The following CUL5 variants were observed in gnomAD, a reference collection of about 807,000 sequenced individuals.
The protein encoded by CUL5 is cullin-5.
A neutral mutation model predicts 108.8 loss-of-function variants in CUL5; 26 were observed. The ratio of observed to expected loss-of-function variants is 0.24; its 90% CI spans 0.18 to 0.33. The LOEUF (loss-of-function observed/expected upper bound fraction) is 0.33. Among genes scored for constraint, CUL5 ranks in the 10% least tolerant of loss-of-function variants. The probability of loss-of-function intolerance (pLI) is 1.00; values close to 1 mark genes in which losing one functional copy is unlikely to be tolerated. For missense variants in CUL5, 524 were observed against 909.2 expected, an observed-to-expected ratio of 0.58 and a Z score of 5.45; for synonymous variants, 334 against 298.0, an observed-to-expected ratio of 1.12 and a Z score of -1.25.
At chr11:108,040,641 C>T (rs1476496701) in intron 2 of CUL5, among the ~76,000 whole-genome samples, 3 of 143,628 alleles carry the variant, frequency 2.1e-5, no homozygotes, top group East Asian at 2.0e-4. Context: ...AAAAATTAGC[C>T]AGTCGTGGTG....
At position 108,051,802 on chromosome 11, in the gene CUL5, A is replaced by G. The variant is rs184003870; in HGVS notation, c.412-858A>G. On this transcript the variant is annotated intron_variant, in intron 4 of 18. Transcript: ENST00000393094. ...ACACCAATATATCTGAAATTCAACCATGGAACTATAGGAGAATAAACATTT... is the reference window on the plus strand; with the variant it reads ...ACACCAATATATCTGAAATTCAACCGTGGAACTATAGGAGAATAAACATTT... 2.3e-3 allele frequency among the ~76,000 whole-genome samples: 344 copies of G among 152,354 alleles called. 1 individual carries two copies. Among genetic ancestry groups the G allele is most frequent in the African/African-American group, 7.6e-3 (318 of 41,588 alleles).
rs1864827364 is a variant in CUL5 at position 108,107,347 on chromosome 11, A to G, written c.*2963A>G. On this transcript the variant is annotated 3_prime_UTR_variant, in exon 19 of 19. Transcript: ENST00000393094. ...TAGCACTGCTCAAAGGGCAAATTTT[A>G]AAACTTCAGTCTGGGTGAAAGATTT... 1 of 152,664 alleles carries G rather than the reference A, an allele frequency of 6.6e-6. No individual in the cohort carries two copies. The highest frequency in any genetic ancestry group is 2.1e-4 in the South Asian group (1 of 4,834). The allele number at this position is 152,664 out of a possible 1,614,324, so 9.5% of individuals were successfully genotyped here.
intron 18 of CUL5, 36 bp from the exon 19 acceptor site, chr11:108,104,154 A>G (rs745576081): frequency 4.4e-6 from 6 of 1,364,170 alleles, no homozygotes; most frequent in Admixed American, 4.7e-5. Flanking sequence ...ATAATTTCGT[A>G]TATTAATGCG....
intron 1 of CUL5, among the ~76,000 whole-genome samples, chr11:108,031,608 G>T (rs1862585716): frequency 6.6e-6 from 1 of 152,076 alleles, no homozygotes; most frequent in African/African-American, 2.4e-5. Flanking sequence ...GTAGGTGTGT[G>T]GTCTTATTTC....
chr11:108,033,986 T>C, intron 2 of CUL5, 75 bp downstream of exon 2: 1 of 863,098 alleles, frequency 1.2e-6, no homozygotes, highest in Non-Finnish European at 1.9e-6. Context: ...AAATGGAATG[T>C]GTAACTCTAA....
In CUL5 at chr11:108,009,203, T is replaced by C. The variant is rs975288010; in HGVS notation, c.-146T>C. The C allele has an allele frequency of 1.6e-5, 12 of 763,848 alleles. No homozygotes were observed. The highest frequency in any genetic ancestry group is 2.6e-5 in the Non-Finnish European group (12 of 456,512). The allele number at this position is 763,848 out of a possible 1,614,324, so 47.3% of individuals were successfully genotyped here. ...CTGGTGCTTGGGACGAGGTCAGCGCTGTCGGCGCGCTGCTCCAGCGCCCAC... is the reference window on the plus strand; with the variant it reads ...CTGGTGCTTGGGACGAGGTCAGCGCCGTCGGCGCGCTGCTCCAGCGCCCAC... On this transcript the variant is annotated 5_prime_UTR_variant, in exon 1 of 19. Transcript: ENST00000393094.
chr11:108,027,077 A>T (rs978634728), intron 1 of CUL5, among the ~76,000 whole-genome samples: 3 of 151,814 alleles, frequency 2.0e-5, no homozygotes, highest in African/African-American at 7.3e-5. Flanking sequence ...ATACAGGAAA[A>T]ATTGTGAAGG....
intron 11 of CUL5, among the ~76,000 whole-genome samples, chr11:108,086,649 T>C (rs1204970907): frequency 6.6e-6 from 1 of 152,180 alleles, no homozygotes. Flanking sequence ...TTTCTAAATT[T>C]TCAACTTCCA....
At chr11:108,097,828 G>T in intron 17 of CUL5, 74 bp downstream of exon 17, 8 of 777,152 alleles carry the variant, frequency 1.0e-5, no homozygotes, top group East Asian at 5.0e-5. Context: ...CAAAATAATT[G>T]TTTTCCTTAC....
intron 18 of CUL5, among the ~76,000 whole-genome samples, chr11:108,103,667 G>GT (rs1391836953): frequency 6.6e-6 from 1 of 152,090 alleles, no homozygotes; most frequent in Non-Finnish European, 1.5e-5. Context: ...GTTTTCACAG[G>GT]TAAGATAACT....
chr11:108,024,963 A>G (rs1041741521), intron 1 of CUL5, among the ~76,000 whole-genome samples: 5 of 152,166 alleles, frequency 3.3e-5, no homozygotes, highest in African/African-American at 9.7e-5. Flanking sequence ...CACCTCCACT[A>G]CTAAAGCCTT....
At chr11:108,078,272 C>T in intron 11 of CUL5, 32 bp downstream of exon 11, 1 of 1,293,930 alleles carries the variant, frequency 7.7e-7, no homozygotes, top group South Asian at 1.4e-5. Flanking sequence ...TTTAAAAATA[C>T]TTAAATTTTC....
chr11:108,060,027 A>G (rs1260059962), intron 7 of CUL5, among the ~76,000 whole-genome samples: 2 of 152,224 alleles, frequency 1.3e-5, no homozygotes, highest in Non-Finnish European at 2.9e-5. Context: ...ACTAATTCTA[A>G]GACAAGTAAA....
At chr11:108,035,574 TAAAA>T (rs35833167) in intron 2 of CUL5, among the ~76,000 whole-genome samples, 1 of 141,570 alleles carries the variant, frequency 7.1e-6, no homozygotes, top group African/African-American at 2.6e-5. Flanking sequence ...CCCTGTCTCT[TAAAA>T]AAAAAAAAAA....
At chr11:108,062,384 C>G (rs1163479492) in intron 7 of CUL5, among the ~76,000 whole-genome samples, 1 of 152,052 alleles carries the variant, frequency 6.6e-6, no homozygotes, top group Non-Finnish European at 1.5e-5. Flanking sequence ...GTCCCATCAA[C>G]AGTGTGCTTG....
intron 10 of CUL5, among the ~76,000 whole-genome samples, chr11:108,074,621 A>G (rs1445793331): frequency 2.6e-5 from 4 of 151,986 alleles, no homozygotes; most frequent in African/African-American, 9.7e-5. Context: ...CCTGATCAAC[A>G]TGGAGAAACC....
At chr11:108,079,760 C>T (rs1046577886) in intron 11 of CUL5, among the ~76,000 whole-genome samples, 4 of 152,140 alleles carry the variant, frequency 2.6e-5, no homozygotes, top group African/African-American at 9.7e-5. Context: ...CCACCTCCTT[C>T]CAGAGGCATC....
chr11:108,096,870 T>C (rs1864516329), intron 16 of CUL5, among the ~76,000 whole-genome samples: 1 of 151,930 alleles, frequency 6.6e-6, no homozygotes, highest in African/African-American at 2.4e-5. Context: ...CTCAGATACA[T>C]ACTTAATTTT....
chr11:108,086,934 A>G (rs1388777308), intron 11 of CUL5, among the ~76,000 whole-genome samples: 1 of 152,172 alleles, frequency 6.6e-6, no homozygotes, highest in African/African-American at 2.4e-5. Context: ...TTTCAGCACA[A>G]TTGATGTTAG....
Sources: gnomAD v4.1 joint callset for allele counts (sites outside exome capture counted in the v4.1 genomes callset) on GRCh38, gnomAD v4.1.1 for gene constraint, MANE v1.5 for transcripts, NCBI Gene and HGNC (gene_info 2026-07-23, HGNC 2026-07-21) for gene names.